The following CLIC2 variants were observed in gnomAD, a reference collection of about 807,000 sequenced individuals.
CLIC2 encodes the protein CLIC family member 2.
CLIC2 carries 9 observed loss-of-function variants against 14.8 expected under a neutral mutation model. The ratio of observed to expected loss-of-function variants is 0.61; its 90% CI spans 0.37 to 1.06. CLIC2 has a LOEUF of 1.06. CLIC2 is among the 50% of genes least tolerant of loss of function. The pLI, the probability that CLIC2 is intolerant of heterozygous loss-of-function variation, is 0.01. For missense variants in CLIC2, 148 were observed against 181.4 expected (o/e 0.82, Z 1.06); for synonymous variants, 61 against 66.3 (o/e 0.92, Z 0.39).
intron 1 of CLIC2, among the ~76,000 whole-genome samples, chrX:155,325,653 G>T (rs2075133566): frequency 9.5e-6 from 1 of 104,763 alleles, no homozygotes; most frequent in Admixed American, 1.1e-4. Flanking sequence ...CCTAGATGAC[G>T]GGTTGATGGG....
intron 1 of CLIC2, among the ~76,000 whole-genome samples, chrX:155,305,880 C>G (rs2075053747): frequency 9.0e-6 from 1 of 111,661 alleles, no homozygotes. Flanking sequence ...TTATATACAT[C>G]AAGATTACAA....
chrX:155,283,684 T>C (rs782394108), intron 3 of CLIC2, among the ~76,000 whole-genome samples: 3 of 110,975 alleles, frequency 2.7e-5, no homozygotes, highest in Non-Finnish European at 5.7e-5. Flanking sequence ...ACTTTCTTGT[T>C]TCCTCACATG....
intron 3 of CLIC2, chrX:155,291,482 A>G (rs183384462): frequency 4.1e-4 from 154 of 377,283 alleles, no homozygotes; most frequent in Middle Eastern, 2.4e-3. Flanking sequence ...TTGACTTTCT[A>G]TGTTCCTATT....
At chrX:155,324,891 T>C (rs1326146467) in intron 1 of CLIC2, among the ~76,000 whole-genome samples, 2 of 111,799 alleles carry the variant, frequency 1.8e-5, no homozygotes, top group African/African-American at 6.5e-5. Flanking sequence ...ATCCAGAATC[T>C]ACAAGGAACT....
intron 3 of CLIC2, among the ~76,000 whole-genome samples, chrX:155,296,831 G>A (rs972487529): frequency 3.6e-5 from 4 of 111,624 alleles, no homozygotes; most frequent in East Asian, 5.6e-4. Flanking sequence ...TGGCAAGGAT[G>A]TGGAGAAAAA....
intron 1 of CLIC2, among the ~76,000 whole-genome samples, chrX:155,317,489 T>C (rs1557321187): frequency 1.8e-5 from 2 of 111,501 alleles, no homozygotes. Flanking sequence ...AATACAAAGA[T>C]CTTCTAGATT....
At chrX:155,295,593 G>T (rs1252486365) in intron 3 of CLIC2, among the ~76,000 whole-genome samples, 1 of 110,704 alleles carries the variant, frequency 9.0e-6, no homozygotes, top group Non-Finnish European at 1.9e-5. Flanking sequence ...CTTTTTACTG[G>T]TGCCATGATC....
rs782795499 is a variant in CLIC2, at chrX:155,334,367, T to C, written c.57+4A>G. ...CATGCAGTTATTATAACTGGAAAAC[T>C]TACCTTTACAAAAAGCTCAATCTCA... On this transcript the variant is annotated splice_donor_region_variant and intron_variant, in intron 1 of 5. Transcript: ENST00000369449. 3.3e-6 allele frequency: 4 copies of C among 1,201,310 alleles called. No homozygotes were observed. The highest frequency in any genetic ancestry group is 3.4e-6 in the Non-Finnish European group (3 of 886,108).
intron 1 of CLIC2, among the ~76,000 whole-genome samples, chrX:155,320,529 T>G (rs2075110584): frequency 8.9e-6 from 1 of 111,773 alleles, no homozygotes; most frequent in South Asian, 3.8e-4. Context: ...ACAAAAAGGA[T>G]GTCCACACAG....
chrX:155,290,938 G>C, intron 3 of CLIC2: 1 of 703,455 alleles, frequency 1.4e-6, no homozygotes, highest in Non-Finnish European at 2.3e-6. Flanking sequence ...GCTGCAGTCA[G>C]TGGGGCAGGG....
At chrX:155,282,865 C>T (rs2074925174) in intron 3 of CLIC2, among the ~76,000 whole-genome samples, 1 of 111,660 alleles carries the variant, frequency 9.0e-6, no homozygotes, top group African/African-American at 3.3e-5. Flanking sequence ...TGGACCTCAG[C>T]TCCAGGCTGG....
intron 3 of CLIC2, chrX:155,292,536 C>T (rs782227118): frequency 7.6e-5 from 35 of 461,785 alleles, no homozygotes; most frequent in African/African-American, 4.6e-4. Context: ...TTTGGGAGGC[C>T]GAGGTGGGCA....
At chrX:155,292,399 A>G in intron 3 of CLIC2, 1 of 562,206 alleles carries the variant, frequency 1.8e-6, no homozygotes, top group Non-Finnish European at 3.3e-6. Context: ...ATTCTACAAG[A>G]AAAAGAACGT....
At chrX:155,306,296 G>C (rs1602949661) in intron 1 of CLIC2, among the ~76,000 whole-genome samples, 1 of 110,831 alleles carries the variant, frequency 9.0e-6, no homozygotes, top group Middle Eastern at 4.6e-3. Flanking sequence ...AAAAGTATGT[G>C]GCACCTCCCC....
At chrX:155,318,901 T>A (rs782106266) in intron 1 of CLIC2, among the ~76,000 whole-genome samples, 1 of 111,451 alleles carries the variant, frequency 9.0e-6, no homozygotes, top group South Asian at 3.8e-4. Context: ...CCCAGAAATA[T>A]AGCCAAATAC....
Position 155,278,061 on chromosome X carries a change from C to T in CLIC2, c.586G>A (p.Ala196Thr). The change falls in exon 6 of 6, where the codon GCT becomes ACT. Residue 196 changes from alanine to threonine, a missense_variant. Coordinates refer to ENST00000369449, the MANE Select transcript of CLIC2 (RefSeq NM_001289.6). The stretch of plus-strand genomic sequence containing the variant: ...TCAAAGTCACGATATTTCTTGGCAG[C>T]AACCTAGAATTTTGCAAAAAAAAGA... Reference protein sequence around the residue: ...LLPKLNIIKVAAKKYRDFDIP... With the variant: ...LLPKLNIIKVTAKKYRDFDIP... 8.3e-7 allele frequency: 1 copy of T among 1,209,905 alleles called. No homozygotes were observed. The highest frequency in any genetic ancestry group is 1.1e-6 in the Non-Finnish European group (1 of 894,618).
chrX:155,332,506 C>T (rs1428788701), intron 1 of CLIC2, among the ~76,000 whole-genome samples: 2 of 111,740 alleles, frequency 1.8e-5, no homozygotes, highest in Non-Finnish European at 3.8e-5. Context: ...GTTCACACAA[C>T]TGAAAACAAT....
At chrX:155,317,440 A>G (rs2075099006) in intron 1 of CLIC2, among the ~76,000 whole-genome samples, 1 of 111,985 alleles carries the variant, frequency 8.9e-6, no homozygotes, top group Non-Finnish European at 1.9e-5. Context: ...CTTTACATGC[A>G]TAAACTAGAA....
chrX:155,281,662 C>T (rs781846394), intron 3 of CLIC2, among the ~76,000 whole-genome samples: 3 of 111,079 alleles, frequency 2.7e-5, no homozygotes, highest in East Asian at 5.6e-4. Flanking sequence ...TGTCCACCCC[C>T]GCGCCCCTGC....
Sources: allele counts gnomAD v4.1 joint callset (sites outside exome capture counted in the v4.1 genomes callset), GRCh38; gene constraint gnomAD v4.1.1; transcripts MANE v1.5; gene names NCBI Gene and HGNC (gene_info 2026-07-23, HGNC 2026-07-21).